The following PPP2R3C variants were observed in gnomAD, a reference collection of about 807,000 sequenced individuals.
The protein encoded by PPP2R3C is serine/threonine-protein phosphatase 2A regulatory subunit B'' subunit gamma.
PPP2R3C carries 47 observed loss-of-function variants against 63.7 expected under a neutral mutation model. The ratio of observed to expected loss-of-function variants is 0.74; its 90% CI spans 0.58 to 0.94. The LOEUF is 0.94. Ranked by LOEUF, PPP2R3C falls within the 40% of genes least tolerant of loss-of-function variation. PPP2R3C has a pLI of 0.00. For synonymous variants in PPP2R3C, 180 were observed against 177.4 expected (o/e 1.01, Z -0.12); for missense variants, 421 against 518.4 (o/e 0.81, Z 1.82).
intron 7 of PPP2R3C, 88 bp downstream of exon 7, chr14:35,099,164 G>A: frequency 7.3e-7 from 1 of 1,368,676 alleles, no homozygotes; most frequent in East Asian, 2.9e-5. Context: ...GAAAATAAAT[G>A]ATATTTTTCA....
At chr14:35,111,017 T>A (rs969501874) in intron 2 of PPP2R3C, among the ~76,000 whole-genome samples, 20 of 151,624 alleles carry the variant, frequency 1.3e-4, no homozygotes, top group African/African-American at 4.8e-4. Flanking sequence ...GGCAGGCGGA[T>A]CATGAAGTCA....
rs34745484 is a variant in PPP2R3C at position 35,090,237 on chromosome 14, G to GTTT, written c.1113+830_1113+832dup. 5.7e-3 allele frequency among the ~76,000 whole-genome samples: 670 copies of GTTT among 116,836 alleles called. 9 individuals carry two copies. Among genetic ancestry groups the GTTT allele is most frequent in the Non-Finnish European group, 9.5e-3 (546 of 57,698 alleles). The allele number at this position is 116,836 out of a possible 152,430, so 76.6% of individuals were successfully genotyped here. ...ATTTTTATAGACTTTGGTAGTTGTAGTTTTTTTTTTTTTTTTTTTTTTGAG... is the reference window on the plus strand; with the variant it reads ...ATTTTTATAGACTTTGGTAGTTGTAGTTTTTTTTTTTTTTTTTTTTTTTTTGAG... On this transcript the variant is annotated intron_variant, in intron 11 of 12. Transcript: ENST00000261475.
At chr14:35,088,294 G>A (rs2138597045) in intron 11 of PPP2R3C, among the ~76,000 whole-genome samples, 1 of 152,242 alleles carries the variant, frequency 6.6e-6, no homozygotes, top group Non-Finnish European at 1.5e-5. Context: ...ACATAGGAAT[G>A]TTCTCCAACC....
rs536101042 is a variant in PPP2R3C, at chr14:35,094,425, T to C, written c.975+623A>G. 3.4e-4 allele frequency among the ~76,000 whole-genome samples: 52 copies of C among 151,336 alleles called. 1 individual carries two copies. The highest frequency in any genetic ancestry group is 1.2e-3 in the African/African-American group (48 of 41,188). On this transcript the variant is annotated intron_variant, in intron 10 of 12. Coordinates refer to ENST00000261475, the MANE Select transcript of PPP2R3C (RefSeq NM_017917.4). ...CTTAAGTGGTTCTGTGGCCTTGGCC[T>C]CCCAAAGCGCTGGGATTATAACCAT...
At chr14:35,116,957 T>A in intron 1 of PPP2R3C, 16 of 420,994 alleles carry the variant, frequency 3.8e-5, no homozygotes, top group South Asian at 3.2e-4. Context: ...CCATTTCTCA[T>A]GCTCCCTCTA....
chr14:35,104,898 A>C lies in PPP2R3C; in HGVS notation c.573+2406T>G, dbSNP rs2046299897. ...AGGCATCTGCTACCATGCTCAGCTA[A>C]TGTTTTTGTATTTTTAATAGAGACA... On this transcript the variant is annotated intron_variant, in intron 6 of 12. Coordinates refer to ENST00000261475, the MANE Select transcript of PPP2R3C (RefSeq NM_017917.4). Among the ~76,000 whole-genome samples, 4 of 151,852 alleles carry C rather than the reference A, an allele frequency of 2.6e-5. No individual in the cohort carries two copies. The South Asian group carries it at 8.3e-4, about 32-fold the overall frequency.
At chr14:35,086,053 C>T (rs931776533) in intron 12 of PPP2R3C, 12 of 349,214 alleles carry the variant, frequency 3.4e-5, no homozygotes, top group African/African-American at 2.5e-4. Context: ...AACCAAGGCT[C>T]AGTGCCTAAT....
chr14:35,108,595 A>G (rs57075379), intron 4 of PPP2R3C, among the ~76,000 whole-genome samples: 27,020 of 151,856 alleles, frequency 0.18, 2,568 homozygotes, highest in East Asian at 0.37. Flanking sequence ...TTGTATTTAT[A>G]TTGGCCCAGC....
At chr14:35,119,526 G>GA (rs2046801522) in intron 1 of PPP2R3C, among the ~76,000 whole-genome samples, 2 of 152,040 alleles carry the variant, frequency 1.3e-5, no homozygotes, top group South Asian at 4.1e-4. Flanking sequence ...TATTTTTGTA[G>GA]AAACGGTGTT....
At chr14:35,109,260 T>C (rs1342283983) in intron 4 of PPP2R3C, among the ~76,000 whole-genome samples, 1 of 152,084 alleles carries the variant, frequency 6.6e-6, no homozygotes, top group Admixed American at 6.6e-5. Context: ...TTTCACCATG[T>C]TGGTCAGGAT....
At chr14:35,109,259 G>A (rs1013313764) in intron 4 of PPP2R3C, among the ~76,000 whole-genome samples, 1 of 152,054 alleles carries the variant, frequency 6.6e-6, no homozygotes, top group African/African-American at 2.4e-5. Flanking sequence ...GTTTCACCAT[G>A]TTGGTCAGGA....
chr14:35,117,012 C>G lies in PPP2R3C; in HGVS notation c.59-275G>C, dbSNP rs988227491. On this transcript the variant is annotated intron_variant, in intron 1 of 12. Transcript: ENST00000261475. ...CTAGTCTCTTCCTCAAATTACCTCTCCTACAGAACTCTGTAGAGTGCTCCT... is the reference window on the plus strand; with the variant it reads ...CTAGTCTCTTCCTCAAATTACCTCTGCTACAGAACTCTGTAGAGTGCTCCT... The G allele has an allele frequency of 2.7e-5, 12 of 442,694 alleles. No homozygotes were observed. The East Asian group carries it at 8.2e-4, about 30-fold the overall frequency. 27.4% of individuals were successfully genotyped at this position (442,694 alleles called of 1,614,324 possible). A position where few individuals can be genotyped will look rare whatever the true frequency, so the allele number is the denominator to read the frequency against.
At chr14:35,104,538 G>C (rs1227516514) in intron 6 of PPP2R3C, among the ~76,000 whole-genome samples, 1 of 152,086 alleles carries the variant, frequency 6.6e-6, no homozygotes, top group East Asian at 1.9e-4. Context: ...AAAAGCCTGA[G>C]GTGAAAAGTA....
chr14:35,099,167 AT>A (rs1193796440), intron 7 of PPP2R3C, 84 bp downstream of exon 7: 75 of 1,381,108 alleles, frequency 5.4e-5, no homozygotes, highest in Admixed American at 1.4e-4. Context: ...AATAAATGAT[AT>A]TTTTCAAGAG....
chr14:35,100,984 C>T (rs532447721), intron 6 of PPP2R3C: 83 of 151,742 alleles, frequency 5.5e-4, no homozygotes, highest in African/African-American at 1.7e-3. Flanking sequence ...GAATATATTC[C>T]TTTTTTTTCG....
At chr14:35,097,361 C>T (rs2138638138) in intron 7 of PPP2R3C, among the ~76,000 whole-genome samples, 1 of 152,196 alleles carries the variant, frequency 6.6e-6, no homozygotes, top group African/African-American at 2.4e-5. Flanking sequence ...AGATATAGTA[C>T]TGCTGGTACA....
chr14:35,115,148 C>CTT (rs574544715), intron 2 of PPP2R3C, among the ~76,000 whole-genome samples: 2 of 141,372 alleles, frequency 1.4e-5, no homozygotes, highest in Non-Finnish European at 3.1e-5. Flanking sequence ...TTGTAAACGG[C>CTT]TTTTTTTTTT....
chr14:35,091,173 A>G lies in PPP2R3C; in HGVS notation c.1010T>C (p.Leu337Ser). The G allele has an allele frequency of 6.2e-7, 1 of 1,611,124 alleles. No individual in the cohort carries two copies. The highest frequency in any genetic ancestry group is 8.5e-7 in the Non-Finnish European group (1 of 1,178,702). ...AGCTGCAGGTTCCTTTCTGTTTTCTAATGCAAGGACAAAGTCCAAGTAGGT... is the reference window on the plus strand; with the variant it reads ...AGCTGCAGGTTCCTTTCTGTTTTCTGATGCAAGGACAAAGTCCAAGTAGGT... ...YKTYLDFVLA[L>S]ENRKEPAALQ... The change falls in exon 11 of 13, where the codon TTA (leucine) becomes TCA (serine). Residue 337 changes from leucine to serine, a missense_variant. Leu to Ser is a moderately radical substitution (Grantham distance 145). Transcript: ENST00000261475.
chr14:35,109,384 A>G (rs1478356234), intron 4 of PPP2R3C, among the ~76,000 whole-genome samples: 2 of 151,836 alleles, frequency 1.3e-5, no homozygotes, highest in African/African-American at 4.8e-5. Context: ...CTTCATACCA[A>G]TGTGATTTTT....
Sources: allele counts gnomAD v4.1 joint callset (sites outside exome capture counted in the v4.1 genomes callset), GRCh38; gene constraint gnomAD v4.1.1; transcripts MANE v1.5; gene names NCBI Gene and HGNC (gene_info 2026-07-23, HGNC 2026-07-21).